The following TBC1D16 variants were observed in gnomAD, a reference collection of about 807,000 sequenced individuals.
TBC1D16 encodes the protein CTD-2529O21.1.
In TBC1D16, 58 loss-of-function variants were observed where a neutral mutation model predicts 74.7. That is an observed-to-expected ratio of 0.78 (90% confidence interval 0.63 to 0.97). The LOEUF is 0.97. Ranked by LOEUF, TBC1D16 falls within the 50% of genes least tolerant of loss-of-function variation. The pLI, the probability that TBC1D16 is intolerant of heterozygous loss-of-function variation, is 0.00. For missense variants in TBC1D16, 1,014 were observed against 1,079.5 expected, an observed-to-expected ratio of 0.94 and a Z score of 0.85; for synonymous variants, 493 against 474.7, an observed-to-expected ratio of 1.04 and a Z score of -0.50.
At chr17:79,982,356 G>C (rs1163335006) in intron 3 of TBC1D16, among the ~76,000 whole-genome samples, 2 of 151,396 alleles carry the variant, frequency 1.3e-5, no homozygotes, top group Non-Finnish European at 2.9e-5. Flanking sequence ...ATGTTGGCCA[G>C]GCTGGTCTTG....
At position 79,950,733 on chromosome 17, in the gene TBC1D16, A is replaced by G. The variant is rs546175157; in HGVS notation, c.1090-155T>C. On this transcript the variant is annotated intron_variant, in intron 5 of 11. Coordinates refer to ENST00000310924, the MANE Select transcript of TBC1D16 (RefSeq NM_019020.4). This position sits in a 1 kb window ranked among gnomAD's most constrained non-coding sequence, Gnocchi z 4.6. ...AAACCCCTAAATGGCGAGTGTAATT[A>G]GGCGCAATTAAAATGAAAATACCTT... 2.5e-5 allele frequency: 39 copies of G among 1,537,850 alleles called. No individual in the cohort carries two copies. The South Asian group carries it at 4.3e-4, about 17-fold the overall frequency.
At position 80,009,188 on chromosome 17, in the gene TBC1D16, C is replaced by T. The variant is rs1204894300; in HGVS notation, c.779+972G>A. Among the ~76,000 whole-genome samples, 1 of 152,266 alleles carries T rather than the reference C, an allele frequency of 6.6e-6. No individual in the cohort carries two copies. The highest frequency in any genetic ancestry group is 1.5e-5 in the Non-Finnish European group (1 of 68,046). ...TCCAGCATGCGCCCGGCTCACACCA[C>T]GAGCTCAACAGTTAATGACCTGCTC... On this transcript the variant is annotated intron_variant, in intron 3 of 11. Coordinates refer to ENST00000310924, the MANE Select transcript of TBC1D16 (RefSeq NM_019020.4). The surrounding 1 kb of genome is among the most constrained non-coding windows in gnomAD (Gnocchi z 5.4).
rs919987147 is a variant in TBC1D16, at chr17:79,971,082, G to A, written c.780-18264C>T. Among the ~76,000 whole-genome samples the A allele has an allele frequency of 1.3e-4, 20 of 151,820 alleles. No homozygotes were observed. The East Asian group carries it at 2.3e-3, about 18-fold the overall frequency. The stretch of plus-strand genomic sequence containing the variant: ...CCATTGCCCAGGCTGGAGTGCAGTG[G>A]CGCTATCTCGGCTCACTGCAACCTC... On this transcript the variant is annotated intron_variant, in intron 3 of 11. Transcript: ENST00000310924. This position sits in a 1 kb window ranked among gnomAD's most constrained non-coding sequence, Gnocchi z 4.6.
rs1219394516 is a variant in TBC1D16 at position 79,954,897 on chromosome 17, G to A, written c.780-2079C>T. ...CACACTGTGGCCCACTCACCCTACA[G>A]GGCAGGCCAAGGTTTCCAGAAACCA... On this transcript the variant is annotated intron_variant, in intron 3 of 11. Coordinates refer to ENST00000310924, the MANE Select transcript of TBC1D16 (RefSeq NM_019020.4). The surrounding 1 kb of genome is among the most constrained non-coding windows in gnomAD (Gnocchi z 5.5). Among the ~76,000 whole-genome samples the A allele has an allele frequency of 6.6e-6, 1 of 152,144 alleles. No homozygotes were observed. The highest frequency in any genetic ancestry group is 1.5e-5 in the Non-Finnish European group (1 of 68,028).
chr17:79,950,599 G>A lies in TBC1D16; in HGVS notation c.1090-21C>T, dbSNP rs1393781599. Reference sequence around the variant, plus strand: ...ACCTGCTGGACGGGAGGAAAACTGGGCAAAGGTCAGGATCTCAGCCGCGCG... The same window carrying A: ...ACCTGCTGGACGGGAGGAAAACTGGACAAAGGTCAGGATCTCAGCCGCGCG... On this transcript the variant is annotated intron_variant, in intron 5 of 11. Coordinates refer to ENST00000310924, the MANE Select transcript of TBC1D16 (RefSeq NM_019020.4). The surrounding 1 kb of genome is among the most constrained non-coding windows in gnomAD (Gnocchi z 4.6). The A allele has an allele frequency of 3.1e-6, 5 of 1,608,298 alleles. No individual in the cohort carries two copies. Among genetic ancestry groups the A allele is most frequent in the Non-Finnish European group, 4.2e-6 (5 of 1,177,742 alleles).
In TBC1D16 at chr17:79,947,681, G is replaced by A. The variant is rs1568574293; in HGVS notation, c.1692C>T (p.Val564=). The A allele has an allele frequency of 6.2e-7, 1 of 1,614,148 alleles. No individual in the cohort carries two copies. Among genetic ancestry groups the A allele is most frequent in the Non-Finnish European group, 8.5e-7 (1 of 1,180,038 alleles). The change falls in exon 9 of 12, where the codon GTC becomes GTT. Residue 564 remains valine (V), a synonymous_variant. Coordinates refer to ENST00000310924, the MANE Select transcript of TBC1D16 (RefSeq NM_019020.4). ...CCATGTCCTCGTCCCGGGGTGAGCTGACGAAGATCGTGTTCTGCATCAAAC... is the reference window on the plus strand; with the variant it reads ...CCATGTCCTCGTCCCGGGGTGAGCTAACGAAGATCGTGTTCTGCATCAAAC... ...FVGLMQNTIF[V]SSPRDEDMEK... is the part of the protein sequence containing the mutation.
chr17:80,009,367 C>T lies in TBC1D16; in HGVS notation c.779+793G>A, dbSNP rs906695895. Among the ~76,000 whole-genome samples the T allele has an allele frequency of 6.6e-6, 1 of 152,198 alleles. No homozygotes were observed. The highest frequency in any genetic ancestry group is 2.1e-4 in the South Asian group (1 of 4,836). The stretch of plus-strand genomic sequence containing the variant: ...CTGGCTCTGGGGCTCCGGGCTTATG[C>T]GACCACACGGGCACTCACCCCAAGG... On this transcript the variant is annotated intron_variant, in intron 3 of 11. Transcript: ENST00000310924. This position sits in a 1 kb window ranked among gnomAD's most constrained non-coding sequence, Gnocchi z 5.4.
chr17:79,975,126 G>T lies in TBC1D16; in HGVS notation c.780-22308C>A, dbSNP rs758738316. On this transcript the variant is annotated intron_variant, in intron 3 of 11. Coordinates refer to ENST00000310924, the MANE Select transcript of TBC1D16 (RefSeq NM_019020.4). The surrounding 1 kb of genome is among the most constrained non-coding windows in gnomAD (Gnocchi z 4.5). ...AGGCCACAAACACCCGGAACAATCC[G>T]CCAGGCCGCGTCACTCCTCACCCTC... is the stretch of plus-strand genomic sequence containing the variant. Among the ~76,000 whole-genome samples, 1 of 152,206 alleles carries T rather than the reference G, an allele frequency of 6.6e-6. No homozygotes were observed. Among genetic ancestry groups the T allele is most frequent in the Non-Finnish European group, 1.5e-5 (1 of 68,050 alleles).
Position 79,944,032 on chromosome 17 carries a change from G to C in TBC1D16, c.1908+876C>G. 1 of 1,535,720 alleles carries C rather than the reference G, an allele frequency of 6.5e-7. No homozygotes were observed. Among genetic ancestry groups the C allele is most frequent in the South Asian group, 1.2e-5 (1 of 84,034 alleles). ...CCTAGACCCGGGCCAGGGGCGAGCC[G>C]ATGACCGCATGCAAAGGCGGCGTGT... is the stretch of plus-strand genomic sequence containing the variant. On this transcript the variant is annotated intron_variant, in intron 10 of 11. Transcript: ENST00000310924. This position sits in a 1 kb window ranked among gnomAD's most constrained non-coding sequence, Gnocchi z 7.7.
intron 3 of TBC1D16, among the ~76,000 whole-genome samples, chr17:79,968,908 C>T (rs996478670): frequency 2.1e-5 from 3 of 143,620 alleles, no homozygotes; most frequent in African/African-American, 7.7e-5. Flanking sequence ...AAAATAGTTG[C>T]AAATCATATA....
At position 79,979,218 on chromosome 17, in the gene TBC1D16, G is replaced by A. The variant is rs374259466; in HGVS notation, c.780-26400C>T. Among the ~76,000 whole-genome samples, 2 of 151,734 alleles carry A rather than the reference G, an allele frequency of 1.3e-5. No homozygotes were observed. The highest frequency in any genetic ancestry group is 2.9e-5 in the Non-Finnish European group (2 of 67,930). On this transcript the variant is annotated intron_variant, in intron 3 of 11. Coordinates refer to ENST00000310924, the MANE Select transcript of TBC1D16 (RefSeq NM_019020.4). The surrounding 1 kb of genome is among the most constrained non-coding windows in gnomAD (Gnocchi z 4.8). ...GGGAAGGCCAGAGCACACACGCTCC[G>A]GGGACGCACACCCACGCCTAGAGCA...
chr17:79,962,965 G>A (rs551913539), intron 3 of TBC1D16, among the ~76,000 whole-genome samples: 2 of 151,650 alleles, frequency 1.3e-5, no homozygotes, highest in South Asian at 2.1e-4. Context: ...CAGGAGAATC[G>A]CTTGAATCCA....
At position 79,934,493 on chromosome 17, in the gene TBC1D16, G is replaced by A. The variant is rs759705999; in HGVS notation, c.*6366C>T. The A allele has an allele frequency of 5.9e-5, 9 of 152,264 alleles. 1 individual carries two copies. Among genetic ancestry groups the A allele is most frequent in the Non-Finnish European group, 1.2e-4 (8 of 68,056 alleles). The allele number at this position is 152,264 out of a possible 1,614,324, so 9.4% of individuals were successfully genotyped here. ...ACGGCTGTTGCAGAGTCCACGGTAA[G>A]AGCCAGGACGTGGCTTCCAGGCAGG... On this transcript the variant is annotated 3_prime_UTR_variant, in exon 12 of 12. Coordinates refer to ENST00000310924, the MANE Select transcript of TBC1D16 (RefSeq NM_019020.4).
At chr17:79,970,261 G>A (rs1425876076) in intron 3 of TBC1D16, among the ~76,000 whole-genome samples, 2 of 152,198 alleles carry the variant, frequency 1.3e-5, no homozygotes, top group Admixed American at 1.3e-4. Context: ...GCAGGTTAGT[G>A]GCTGCCAGGG....
At chr17:80,012,966 C>A (rs2035947432) in intron 2 of TBC1D16, among the ~76,000 whole-genome samples, 1 of 152,214 alleles carries the variant, frequency 6.6e-6, no homozygotes, top group South Asian at 2.1e-4. Flanking sequence ...CCTCTCTGAA[C>A]ACCAGCGTCC....
intron 3 of TBC1D16, among the ~76,000 whole-genome samples, chr17:79,992,542 G>A (rs80131040): frequency 0.013 from 2,038 of 152,308 alleles, 32 homozygotes; most frequent in East Asian, 0.059. Flanking sequence ...ATTTACAGAA[G>A]CAAGACAGAT....
intron 9 of TBC1D16, 91 bp from the exon 10 acceptor site, chr17:79,945,178 C>G: frequency 7.2e-7 from 1 of 1,387,278 alleles, no homozygotes; most frequent in Non-Finnish European, 9.6e-7. Flanking sequence ...CTTCCCTGGG[C>G]CACCCCAGCC....
intron 3 of TBC1D16, among the ~76,000 whole-genome samples, chr17:79,955,257 A>AC (rs879936867): frequency 8.5e-5 from 13 of 152,168 alleles, no homozygotes; most frequent in Admixed American, 2.6e-4. Context: ...TCATTGGGGT[A>AC]CGTCTGGCAG....
At chr17:80,005,067 GTTC>G (rs1430405865) in intron 3 of TBC1D16, among the ~76,000 whole-genome samples, 2 of 151,326 alleles carry the variant, frequency 1.3e-5, no homozygotes, top group African/African-American at 2.4e-5. Flanking sequence ...TGTTTTTGTT[GTTC>G]TTGTTTTTGT....
Sources: allele counts gnomAD v4.1 joint callset (sites outside exome capture counted in the v4.1 genomes callset), GRCh38; gene constraint gnomAD v4.1.1; non-coding constraint Gnocchi (gnomAD v3.1); transcripts MANE v1.5; gene names NCBI Gene and HGNC (gene_info 2026-07-23, HGNC 2026-07-21).